LRSAM1: variants seen among roughly 807,000 people sequenced by gnomAD.
The protein encoded by LRSAM1 is E3 ubiquitin-protein ligase LRSAM1.
LRSAM1 carries 96 observed loss-of-function variants against 118.1 expected under a neutral mutation model. That is an observed-to-expected ratio of 0.81 (90% CI 0.69 to 0.96). LRSAM1 has a LOEUF of 0.96. Among genes scored for constraint, LRSAM1 ranks in the 40% least tolerant of loss-of-function variants. The pLI is 0.00. For missense variants in LRSAM1, 804 were observed against 915.5 expected (o/e 0.88, Z 1.57); for synonymous variants, 322 against 364.2 (o/e 0.88, Z 1.32).
At chr9:127,489,300 A>T (rs1303425839) in intron 18 of LRSAM1, 144 bp from the exon 19 acceptor site, 1 of 959,630 alleles carries the variant, frequency 1.0e-6, no homozygotes, top group Non-Finnish European at 1.6e-6. Flanking sequence ...AGGTTTACAC[A>T]AGTGAGGTGA....
chr9:127,502,922 T>C lies in LRSAM1; in HGVS notation c.*23T>C. The C allele has an allele frequency of 1.3e-6, 2 of 1,577,228 alleles. No individual in the cohort carries two copies. Among genetic ancestry groups the C allele is most frequent in the Non-Finnish European group, 1.7e-6 (2 of 1,162,930 alleles). On this transcript the variant is annotated 3_prime_UTR_variant, in exon 26 of 26. Coordinates refer to ENST00000300417, the MANE Select transcript of LRSAM1 (RefSeq NM_001005373.4). Reference sequence around the variant, plus strand: ...TGAGTGCTGCCCGCCCACCTGGGCCTGGTCCTAGCCCTGCCTCGGCCACTG... The same window carrying C: ...TGAGTGCTGCCCGCCCACCTGGGCCCGGTCCTAGCCCTGCCTCGGCCACTG...
At chr9:127,463,628 T>G (rs1250285725) in intron 9 of LRSAM1, among the ~76,000 whole-genome samples, 1 of 152,120 alleles carries the variant, frequency 6.6e-6, no homozygotes, top group Non-Finnish European at 1.5e-5. Context: ...CCTTTTTAAC[T>G]TAATTACCTC....
rs75608566 is a variant in LRSAM1, at chr9:127,478,460, G to A, written c.751-474G>A. 3.0e-3 allele frequency among the ~76,000 whole-genome samples: 457 copies of A among 152,348 alleles called. 3 individuals are homozygous for A. Among genetic ancestry groups the A allele is most frequent in the African/African-American group, 0.01 (430 of 41,570 alleles). ...ACTGTATGGATGCACCATGACTTACGGACAGATGTTGATAGATGTATGAGT... is the reference window on the plus strand; with the variant it reads ...ACTGTATGGATGCACCATGACTTACAGACAGATGTTGATAGATGTATGAGT... On this transcript the variant is annotated intron_variant, in intron 11 of 25. Coordinates refer to ENST00000300417, the MANE Select transcript of LRSAM1 (RefSeq NM_001005373.4).
chr9:127,495,809 A>G (rs921529879), intron 22 of LRSAM1, among the ~76,000 whole-genome samples, 155 bp from the exon 23 acceptor site: 2 of 152,082 alleles, frequency 1.3e-5, no homozygotes, highest in African/African-American at 4.8e-5. Flanking sequence ...CTATCTATCT[A>G]TCTATCTCTG....
chr9:127,477,375 C>A (rs1201285177), intron 11 of LRSAM1, among the ~76,000 whole-genome samples: 2 of 152,146 alleles, frequency 1.3e-5, no homozygotes, highest in African/African-American at 2.4e-5. Context: ...AGGCAAAATC[C>A]TATTTATAGG....
chr9:127,488,816 C>T (rs1370341782), intron 18 of LRSAM1, among the ~76,000 whole-genome samples: 1 of 151,860 alleles, frequency 6.6e-6, no homozygotes, highest in African/African-American at 2.4e-5. Flanking sequence ...GTCTCAAACT[C>T]CTGGGCTCAA....
At chr9:127,497,465 G>A (rs1477384684) in intron 24 of LRSAM1, 131 bp downstream of exon 24, 2 of 942,540 alleles carry the variant, frequency 2.1e-6, no homozygotes, top group African/African-American at 3.3e-5. Context: ...GGTCGGTAAG[G>A]TTTCCTCCCA....
At chr9:127,496,434 C>T (rs977774843) in intron 23 of LRSAM1, among the ~76,000 whole-genome samples, 1 of 152,200 alleles carries the variant, frequency 6.6e-6, no homozygotes, top group Admixed American at 6.5e-5. Flanking sequence ...GGCCACAGCA[C>T]TGCCTGAGCC....
chr9:127,463,857 C>T (rs961140722), intron 9 of LRSAM1, among the ~76,000 whole-genome samples: 7 of 152,166 alleles, frequency 4.6e-5, no homozygotes, highest in Admixed American at 6.5e-5. Context: ...CTCCGTGTAT[C>T]GTCACAGAAC....
intron 24 of LRSAM1, among the ~76,000 whole-genome samples, 176 bp downstream of exon 24, chr9:127,497,510 C>T (rs1836198496): frequency 6.6e-6 from 1 of 152,206 alleles, no homozygotes; most frequent in Non-Finnish European, 1.5e-5. Context: ...GCCCATTTTA[C>T]AGATGGGAAA....
At chr9:127,502,506 G>A (rs536790131) in intron 25 of LRSAM1, among the ~76,000 whole-genome samples, 29 of 152,032 alleles carry the variant, frequency 1.9e-4, no homozygotes, top group African/African-American at 6.3e-4. Flanking sequence ...CCAACATGGT[G>A]AAACCCCATC....
chr9:127,473,470 C>T (rs1038724458), intron 10 of LRSAM1, among the ~76,000 whole-genome samples: 1 of 152,232 alleles, frequency 6.6e-6, no homozygotes. Context: ...CAAGGTCTCA[C>T]ATTCAGGGAA....
chr9:127,500,941 C>T, intron 24 of LRSAM1, 69 bp from the exon 25 acceptor site: 6 of 1,610,638 alleles, frequency 3.7e-6, no homozygotes, highest in Non-Finnish European at 5.1e-6. Context: ...GGCAGGGCCA[C>T]AATGAGCCCC....
At chr9:127,457,209 G>A in intron 5 of LRSAM1, 107 bp from the exon 6 acceptor site, 2 of 1,212,176 alleles carry the variant, frequency 1.6e-6, no homozygotes, top group Non-Finnish European at 2.4e-6. Context: ...GTCTGGGAGA[G>A]CAAGATGGTG....
chr9:127,467,181 G>GT (rs1196935579), intron 9 of LRSAM1, among the ~76,000 whole-genome samples: 1 of 151,840 alleles, frequency 6.6e-6, no homozygotes, highest in Non-Finnish European at 1.5e-5. Context: ...AAATAGGGGA[G>GT]GGGGGAGTTT....
intron 10 of LRSAM1, among the ~76,000 whole-genome samples, chr9:127,469,317 A>G (rs1285730810): frequency 6.6e-6 from 1 of 152,150 alleles, no homozygotes; most frequent in African/African-American, 2.4e-5. Flanking sequence ...TAAAAATACA[A>G]AAACTAACTG....
chr9:127,474,690 C>T lies in LRSAM1; in HGVS notation c.750+759C>T, dbSNP rs568161517. Among the ~76,000 whole-genome samples the T allele has an allele frequency of 8.5e-5, 13 of 152,340 alleles. No individual in the cohort carries two copies. The East Asian group carries it at 2.5e-3, about 29-fold the overall frequency. ...AAATACTTCTGGACCAAATGCTACT[C>T]ACTGTCTGGGACACACACCCACCAT... On this transcript the variant is annotated intron_variant, in intron 11 of 25. Coordinates refer to ENST00000300417, the MANE Select transcript of LRSAM1 (RefSeq NM_001005373.4).
intron 11 of LRSAM1, among the ~76,000 whole-genome samples, chr9:127,475,115 T>G (rs1215390449): frequency 6.6e-6 from 1 of 152,106 alleles, no homozygotes; most frequent in Admixed American, 6.5e-5. Flanking sequence ...GAAGGCTGTA[T>G]GTGAAAATTG....
At chr9:127,460,359 A>G (rs949229716) in intron 7 of LRSAM1, among the ~76,000 whole-genome samples, 1 of 152,176 alleles carries the variant, frequency 6.6e-6, no homozygotes, top group Non-Finnish European at 1.5e-5. Flanking sequence ...ACCTCGAGGT[A>G]CCACCTTCTG....
Sources: gnomAD v4.1 joint callset for allele counts (sites outside exome capture counted in the v4.1 genomes callset) on GRCh38, gnomAD v4.1.1 for gene constraint, MANE v1.5 for transcripts, NCBI Gene and HGNC (gene_info 2026-07-23, HGNC 2026-07-21) for gene names.